PIWIL2: variants seen among roughly 807,000 people sequenced by gnomAD.
PIWIL2 encodes the protein piwi-like protein 2.
In PIWIL2, 81 loss-of-function variants were observed where a neutral mutation model predicts 116.5. The ratio of observed to expected loss-of-function variants is 0.70; its 90% CI spans 0.58 to 0.84. PIWIL2 has a LOEUF of 0.84. Ranked by LOEUF, PIWIL2 falls within the 40% of genes least tolerant of loss-of-function variation. The pLI is 0.00. For synonymous variants in PIWIL2, 489 were observed against 429.5 expected, an observed-to-expected ratio of 1.14 and a Z score of -1.71; for missense variants, 1,272 against 1,212.3, an observed-to-expected ratio of 1.05 and a Z score of -0.73.
chr8:22,353,113 A>G lies in PIWIL2; in HGVS notation c.2558A>G (p.Gln853Arg). The G allele has an allele frequency of 6.2e-7, 1 of 1,614,132 alleles. No homozygotes were observed. The highest frequency in any genetic ancestry group is 8.5e-7 in the Non-Finnish European group (1 of 1,179,932). Residue 853 changes from glutamine (Q) to arginine (R), a missense_variant, in exon 21 of 23, where the codon CAG (glutamine) becomes CGG (arginine). By Grantham distance (43) the Gln-to-Arg change is conservative. Coordinates refer to ENST00000356766, the MANE Select transcript of PIWIL2 (RefSeq NM_018068.5). Reference protein sequence around the residue: ...YQPKMVVFVVQKKISTNLYLA... With the variant: ...YQPKMVVFVVRKKISTNLYLA... ...CCCAAGATGGTGGTGTTTGTAGTTC[A>G]GAAGAAAATCAGTACTAATCTATAT...
chr8:22,297,010 A>G (rs778831371), intron 10 of PIWIL2, among the ~76,000 whole-genome samples: 14 of 147,282 alleles, frequency 9.5e-5, no homozygotes, highest in African/African-American at 2.5e-4. Context: ...TTATTTTTTG[A>G]TGGAATCTCA....
intron 20 of PIWIL2, among the ~76,000 whole-genome samples, chr8:22,327,256 C>T (rs910606659): frequency 2.6e-5 from 4 of 151,448 alleles, no homozygotes; most frequent in Admixed American, 2.0e-4. Flanking sequence ...AGGCTGGTCT[C>T]GAACTCCTGA....
intron 10 of PIWIL2, among the ~76,000 whole-genome samples, chr8:22,298,704 A>G (rs1326049720): frequency 6.6e-6 from 1 of 152,228 alleles, no homozygotes; most frequent in Non-Finnish European, 1.5e-5. Context: ...AAATAAAAAT[A>G]AAGCTGAATT....
chr8:22,334,621 G>C (rs1831938148), intron 20 of PIWIL2, among the ~76,000 whole-genome samples: 1 of 152,032 alleles, frequency 6.6e-6, no homozygotes, highest in Non-Finnish European at 1.5e-5. Context: ...GTTTCTCCAT[G>C]TTGGTCAGGC....
chr8:22,287,697 C>T (rs760393214), intron 7 of PIWIL2, 52 bp downstream of exon 7: 27 of 1,180,726 alleles, frequency 2.3e-5, no homozygotes, highest in Admixed American at 8.4e-5. Context: ...AGTGCTCTGG[C>T]GTTTTTTGTT....
chr8:22,305,652 A>G (rs1184408586), intron 12 of PIWIL2, among the ~76,000 whole-genome samples: 1 of 151,518 alleles, frequency 6.6e-6, no homozygotes, highest in African/African-American at 2.4e-5. Flanking sequence ...TTGAGGCCCA[A>G]GAGGGACAGA....
chr8:22,354,390 A>G lies in PIWIL2; in HGVS notation c.2765+12A>G. ...GATCATATGCAGAGGTGGGCCCATC[A>G]GTAACTTACTCTTTCTCTTTCTTAA... is the stretch of plus-strand genomic sequence containing the variant. On this transcript the variant is annotated intron_variant, in intron 22 of 22. Coordinates refer to ENST00000356766, the MANE Select transcript of PIWIL2 (RefSeq NM_018068.5). 2 of 1,519,454 alleles carry G rather than the reference A, an allele frequency of 1.3e-6. No individual in the cohort carries two copies. The highest frequency in any genetic ancestry group is 1.8e-6 in the Non-Finnish European group (2 of 1,093,654). The allele number at this position is 1,519,454 out of a possible 1,614,324, so 94.1% of individuals were successfully genotyped here.
intron 20 of PIWIL2, among the ~76,000 whole-genome samples, chr8:22,339,616 GC>G (rs1248037700): frequency 1.3e-5 from 2 of 152,132 alleles, no homozygotes; most frequent in Admixed American, 1.3e-4. Context: ...AGCAAAAGCA[GC>G]CAAAGAAAAA....
chr8:22,351,806 T>G (rs10103365), intron 20 of PIWIL2, among the ~76,000 whole-genome samples: 6,463 of 151,672 alleles, frequency 0.043, 440 homozygotes, highest in African/African-American at 0.15. Flanking sequence ...CTGAGAGTGC[T>G]GGGATTACAG....
intron 20 of PIWIL2, among the ~76,000 whole-genome samples, chr8:22,322,306 A>G (rs1030944897): frequency 6.6e-6 from 1 of 150,974 alleles, no homozygotes; most frequent in African/African-American, 2.4e-5. Flanking sequence ...GCTGGAGTGT[A>G]GAGTCACAGT....
intron 20 of PIWIL2, among the ~76,000 whole-genome samples, chr8:22,320,677 G>A (rs952107663): frequency 7.9e-5 from 12 of 151,694 alleles, no homozygotes; most frequent in African/African-American, 2.9e-4. Context: ...TGCAGCCTCC[G>A]CCTCCCGGGT....
intron 17 of PIWIL2, 103 bp from the exon 18 acceptor site, chr8:22,314,926 T>C: frequency 1.4e-6 from 1 of 708,210 alleles, no homozygotes; most frequent in Non-Finnish European, 2.5e-6. Flanking sequence ...ATCTTCTAAC[T>C]TGAGTTTCTT....
chr8:22,301,181 AC>A (rs1259830659), intron 10 of PIWIL2, among the ~76,000 whole-genome samples: 1 of 151,656 alleles, frequency 6.6e-6, no homozygotes, highest in Non-Finnish European at 1.5e-5. Context: ...ATAGAGTTTC[AC>A]CACGTTGCCC....
chr8:22,316,465 T>G, intron 19 of PIWIL2, 132 bp downstream of exon 19: 3 of 619,304 alleles, frequency 4.8e-6, no homozygotes, highest in East Asian at 3.2e-5. Context: ...TTCCTCTATC[T>G]TCATGTGAAT....
At chr8:22,278,102 A>C (rs1252980790) in intron 1 of PIWIL2, among the ~76,000 whole-genome samples, 3 of 151,216 alleles carry the variant, frequency 2.0e-5, no homozygotes, top group African/African-American at 7.3e-5. Context: ...CAGGAGGCAG[A>C]GGTTGCGGTG....
chr8:22,307,096 G>A (rs1342857238), intron 13 of PIWIL2, among the ~76,000 whole-genome samples: 2 of 152,220 alleles, frequency 1.3e-5, no homozygotes, highest in African/African-American at 4.8e-5. Context: ...GGCATATAGT[G>A]TTAGAATGAA....
At chr8:22,283,278 T>C (rs192002941) in intron 5 of PIWIL2, 38 bp downstream of exon 5, 3 of 1,500,346 alleles carry the variant, frequency 2.0e-6, no homozygotes, top group Admixed American at 1.7e-5. Flanking sequence ...TTAGTAATGA[T>C]CGTGAAAACT....
At chr8:22,294,446 C>T (rs938926269) in intron 10 of PIWIL2, among the ~76,000 whole-genome samples, 6 of 150,456 alleles carry the variant, frequency 4.0e-5, no homozygotes, top group Non-Finnish European at 7.4e-5. Flanking sequence ...TCGAGACCAT[C>T]CTGGCCAACA....
chr8:22,308,407 CTT>C (rs1322557910), intron 14 of PIWIL2, among the ~76,000 whole-genome samples: 8 of 152,118 alleles, frequency 5.3e-5, no homozygotes, highest in Admixed American at 3.3e-4. Flanking sequence ...AATCCCAGCA[CTT>C]TGGGAGGCTG....
Sources: allele counts gnomAD v4.1 joint callset (sites outside exome capture counted in the v4.1 genomes callset), GRCh38; gene constraint gnomAD v4.1.1; transcripts MANE v1.5; gene names NCBI Gene and HGNC (gene_info 2026-07-23, HGNC 2026-07-21).